The following ROR1 variants were observed in gnomAD, a reference collection of about 807,000 sequenced individuals.
The protein encoded by ROR1 is ROR family WNT receptor 1.
Under a neutral mutation model 78.8 loss-of-function variants are expected in ROR1, and 19 were observed. The ratio of observed to expected loss-of-function variants is 0.24; its 90% CI spans 0.17 to 0.35. The LOEUF is 0.35. ROR1 is among the 10% of genes least tolerant of loss of function. The probability of loss-of-function intolerance (pLI) is 1.00; values close to 1 mark genes in which losing one functional copy is unlikely to be tolerated. For synonymous variants in ROR1, 386 were observed against 433.6 expected, an observed-to-expected ratio of 0.89 and a Z score of 1.36; for missense variants, 917 against 1,177.8, an observed-to-expected ratio of 0.78 and a Z score of 3.24.
At chr1:63,957,297 G>A (rs1420922087) in intron 1 of ROR1, among the ~76,000 whole-genome samples, 1 of 152,138 alleles carries the variant, frequency 6.6e-6, no homozygotes, top group African/African-American at 2.4e-5. Flanking sequence ...TTTGGGTATG[G>A]GGGTCCCTCT....
chr1:64,076,193 A>G (rs1647049276), intron 4 of ROR1, among the ~76,000 whole-genome samples: 1 of 152,204 alleles, frequency 6.6e-6, no homozygotes, highest in East Asian at 1.9e-4. Context: ...TGCAAATCAA[A>G]GCCCCAACCT....
chr1:64,038,736 TTTTG>T (rs1557621948), intron 2 of ROR1, among the ~76,000 whole-genome samples: 1 of 152,170 alleles, frequency 6.6e-6, no homozygotes, highest in Non-Finnish European at 1.5e-5. Context: ...GCTCTTAGGT[TTTTG>T]TTTATCTATT....
intron 8 of ROR1, among the ~76,000 whole-genome samples, chr1:64,168,295 C>A (rs1426502433): frequency 6.6e-6 from 1 of 152,158 alleles, no homozygotes; most frequent in African/African-American, 2.4e-5. Context: ...AGTTACCAAT[C>A]TCATGGGGTT....
intron 4 of ROR1, among the ~76,000 whole-genome samples, chr1:64,090,127 C>T (rs2100642921): frequency 6.6e-6 from 1 of 152,208 alleles, no homozygotes; most frequent in African/African-American, 2.4e-5. Context: ...TTGGGTGTGT[C>T]TTTATTAGCA....
intron 4 of ROR1, among the ~76,000 whole-genome samples, chr1:64,098,318 AG>A (rs1415940021): frequency 6.6e-6 from 1 of 152,156 alleles, no homozygotes; most frequent in Non-Finnish European, 1.5e-5. Context: ...GAAATGGGGA[AG>A]AAGGGGCCCG....
At chr1:63,917,098 G>A (rs1171696180) in intron 1 of ROR1, among the ~76,000 whole-genome samples, 3 of 152,086 alleles carry the variant, frequency 2.0e-5, no homozygotes, top group African/African-American at 7.2e-5. Context: ...CAACCTCACA[G>A]CAGAAGACAT....
intron 1 of ROR1, among the ~76,000 whole-genome samples, chr1:63,969,694 C>G (rs1189007854): frequency 6.6e-6 from 1 of 152,124 alleles, no homozygotes; most frequent in Non-Finnish European, 1.5e-5. Context: ...ATGAACCGTC[C>G]AGTTCTGTGG....
chr1:63,989,983 AG>A (rs1291660203), intron 1 of ROR1, among the ~76,000 whole-genome samples: 1 of 152,174 alleles, frequency 6.6e-6, no homozygotes, highest in African/African-American at 2.4e-5. Context: ...CATTGAGTTT[AG>A]GATCAATTAT....
chr1:64,147,007 A>T (rs1649491494), intron 7 of ROR1, among the ~76,000 whole-genome samples: 1 of 152,200 alleles, frequency 6.6e-6, no homozygotes, highest in Non-Finnish European at 1.5e-5. Context: ...CTCAAAGCTC[A>T]TGTTCTTTTA....
At chr1:64,075,289 A>G (rs1402322829) in intron 4 of ROR1, among the ~76,000 whole-genome samples, 1 of 152,190 alleles carries the variant, frequency 6.6e-6, no homozygotes, top group South Asian at 2.1e-4. Flanking sequence ...TTCACTAACC[A>G]CAACAGAACC....
intron 1 of ROR1, among the ~76,000 whole-genome samples, chr1:63,938,358 T>C (rs1239212522): frequency 1.3e-5 from 2 of 152,184 alleles, no homozygotes; most frequent in African/African-American, 4.8e-5. Context: ...TCCATAGATT[T>C]TGGTATCTGA....
intron 7 of ROR1, among the ~76,000 whole-genome samples, chr1:64,154,712 T>C (rs1296298948): frequency 6.6e-6 from 1 of 152,226 alleles, no homozygotes; most frequent in Non-Finnish European, 1.5e-5. Context: ...AAAAGGAAAT[T>C]AATCATGTGA....
At chr1:63,913,284 T>G (rs1305748356) in intron 1 of ROR1, among the ~76,000 whole-genome samples, 1 of 152,180 alleles carries the variant, frequency 6.6e-6, no homozygotes, top group Non-Finnish European at 1.5e-5. Flanking sequence ...TTTTTTTCTA[T>G]ATTTCTATAT....
chr1:64,034,563 C>T (rs1199857069), intron 2 of ROR1, among the ~76,000 whole-genome samples: 1 of 152,140 alleles, frequency 6.6e-6, no homozygotes, highest in Non-Finnish European at 1.5e-5. Context: ...CTCACTCACT[C>T]ATCTGCATTC....
chr1:63,908,172 G>A (rs1163755219), intron 1 of ROR1, among the ~76,000 whole-genome samples: 1 of 152,120 alleles, frequency 6.6e-6, no homozygotes, highest in African/African-American at 2.4e-5. Flanking sequence ...AGATCATATA[G>A]CCAAGAGTTG....
intron 1 of ROR1, among the ~76,000 whole-genome samples, chr1:63,785,941 T>C (rs1392031772): frequency 6.6e-6 from 1 of 152,206 alleles, no homozygotes; most frequent in Non-Finnish European, 1.5e-5. Flanking sequence ...AGTCAAAGCA[T>C]TGAAAACTTT....
chr1:63,998,979 A>G (rs1245143494), intron 1 of ROR1, among the ~76,000 whole-genome samples: 1 of 152,168 alleles, frequency 6.6e-6, no homozygotes, highest in African/African-American at 2.4e-5. Context: ...CTCTCTTGCC[A>G]ACGCCATACT....
At chr1:64,108,063 TG>T (rs1647902236) in intron 4 of ROR1, among the ~76,000 whole-genome samples, 5 of 350 alleles carry the variant, frequency 0.014, no homozygotes, top group South Asian at 0.1. Context: ...TTTCTTGTTG[TG>T]TGTGTGTGTG....
chr1:63,960,655 G>A lies in ROR1; in HGVS notation c.92-48650G>A, dbSNP rs17393188. Among the ~76,000 whole-genome samples the A allele has an allele frequency of 2.4e-3, 367 of 152,244 alleles. 2 individuals carry two copies. The highest frequency in any genetic ancestry group is 7.3e-3 in the South Asian group (35 of 4,816). On this transcript the variant is annotated intron_variant, in intron 1 of 8. Transcript: ENST00000371079. ...CTTTGCTTAAGTAATTAACATTCCT[G>A]TCAAGGCTCCTTAAAAGGGTCCTGT...
Sources: allele counts gnomAD v4.1 joint callset (sites outside exome capture counted in the v4.1 genomes callset), GRCh38; gene constraint gnomAD v4.1.1; transcripts MANE v1.5; gene names NCBI Gene and HGNC (gene_info 2026-07-23, HGNC 2026-07-21).